Variants in MYH15 observed in about 807,000 individuals in gnomAD.
MYH15 encodes the protein myosin heavy chain 15.
Under a neutral mutation model 240.5 loss-of-function variants are expected in MYH15, and 227 were observed. The ratio of observed to expected loss-of-function variants is 0.94; its 90% CI spans 0.85 to 1.05. The LOEUF is 1.05. MYH15 is among the 50% of genes least tolerant of loss of function. MYH15 has a pLI of 0.00. For synonymous variants in MYH15, 785 were observed against 796.7 expected, an observed-to-expected ratio of 0.99 and a Z score of 0.25; for missense variants, 2,217 against 2,247.5, an observed-to-expected ratio of 0.99 and a Z score of 0.27.
intron 37 of MYH15, among the ~76,000 whole-genome samples, chr3:108,390,153 G>C (rs1411685047): frequency 1.4e-5 from 2 of 147,840 alleles, no homozygotes; most frequent in Non-Finnish European, 3.0e-5. Flanking sequence ...TAAGAATTTT[G>C]GGGGGGGATT....
chr3:108,463,238 A>G lies in MYH15; in HGVS notation c.1737T>C (p.Pro579=), dbSNP rs1576249004. 6.2e-7 allele frequency: 1 copy of G among 1,605,596 alleles called. No individual in the cohort carries two copies. Among genetic ancestry groups the G allele is most frequent in the Non-Finnish European group, 8.5e-7 (1 of 1,177,768 alleles). ...FELVHYAGVV[P]YNISGWLEKN... is the part of the protein sequence containing the mutation. ...TTTCCAGCCAACCACTGATATTATA[A>G]GGTACCTTTGGAAAGGCATGCATTT... is the stretch of plus-strand genomic sequence containing the variant. The change falls in exon 16 of 41, where the codon CCT becomes CCC. Residue 579 remains proline, a synonymous_variant. Coordinates refer to ENST00000693548, the MANE Select transcript of MYH15 (RefSeq NM_014981.3).
At chr3:108,505,138 C>T (rs2083465523) in intron 2 of MYH15, among the ~76,000 whole-genome samples, 1 of 152,154 alleles carries the variant, frequency 6.6e-6, no homozygotes, top group Non-Finnish European at 1.5e-5. Flanking sequence ...TTTAAAAATA[C>T]TGACTTGAAA....
Position 108,381,395 on chromosome 3 carries a change from T to C in MYH15, c.*150A>G, listed in dbSNP as rs1035724486. The C allele has an allele frequency of 4.5e-6, 4 of 889,158 alleles. No homozygotes were observed. The African/African-American group carries it at 6.6e-5, about 15-fold the overall frequency. 55.1% of individuals were successfully genotyped at this position (889,158 alleles called of 1,614,324 possible). A position where few individuals can be genotyped will look rare whatever the true frequency, so the allele number is the denominator to read the frequency against. ...AACTGTGGAAGCAATGATATTCCCT[T>C]TAATTATTTTTCTAATTGCCTTGTT... On this transcript the variant is annotated 3_prime_UTR_variant, in exon 41 of 41. Coordinates refer to ENST00000693548, the MANE Select transcript of MYH15 (RefSeq NM_014981.3).
the MYH15 span, among the ~76,000 whole-genome samples, chr3:108,534,581 T>C: frequency 6.6e-6 from 1 of 152,050 alleles, no homozygotes; most frequent in Non-Finnish European, 1.5e-5. Flanking sequence ...CAAGAAATCA[T>C]TAGGTCAGAT....
chr3:108,509,620 C>T (rs546091189), intron 1 of MYH15, among the ~76,000 whole-genome samples: 14 of 152,228 alleles, frequency 9.2e-5, no homozygotes, highest in South Asian at 2.1e-4. Context: ...AATACTAGAA[C>T]GACATTCAGC....
At chr3:108,534,348 C>A in the MYH15 span, among the ~76,000 whole-genome samples, 2 of 152,096 alleles carry the variant, frequency 1.3e-5, no homozygotes, top group African/African-American at 4.8e-5. Context: ...ATATTTTTAT[C>A]CCTAGAAGGA....
At chr3:108,511,367 A>G (rs1183048973), upstream of MYH15, among the ~76,000 whole-genome samples, 1 of 152,192 alleles carries the variant, frequency 6.6e-6, no homozygotes, top group Non-Finnish European at 1.5e-5. Flanking sequence ...GGTGGCAAGC[A>G]GGTTACATGG....
Position 108,391,104 on chromosome 3 carries a change from C to T in MYH15, c.5430+656G>A, listed in dbSNP as rs187795966. Among the ~76,000 whole-genome samples the T allele has an allele frequency of 1.1e-4, 16 of 152,304 alleles. No individual in the cohort carries two copies. In the East Asian group the frequency reaches 3.1e-3, roughly 29 times the overall value. On this transcript the variant is annotated intron_variant, in intron 37 of 40. Transcript: ENST00000693548. ...TTCCATTGTATGGATATACCATAAA[C>T]ATGCAAAGGTGATACCTTATTTTTT...
chr3:108,514,016 ATAAAG>A (rs2083540872), upstream of MYH15, among the ~76,000 whole-genome samples: 1 of 152,200 alleles, frequency 6.6e-6, no homozygotes, highest in Admixed American at 6.5e-5. Flanking sequence ...TTACCAGTTG[ATAAAG>A]TAAAGACAAA....
At chr3:108,406,813 T>TGA (rs2082550019) in intron 32 of MYH15, among the ~76,000 whole-genome samples, 1 of 152,166 alleles carries the variant, frequency 6.6e-6, no homozygotes, top group African/African-American at 2.4e-5. Context: ...TTCCTGTCAT[T>TGA]CTCACCCTTG....
intron 39 of MYH15, among the ~76,000 whole-genome samples, chr3:108,384,407 C>A (rs925271736): frequency 6.6e-6 from 1 of 152,286 alleles, no homozygotes; most frequent in South Asian, 2.1e-4. Flanking sequence ...GCCTTCCCTA[C>A]GTGACACTCT....
Position 108,428,722 on chromosome 3 carries a change from T to G in MYH15, c.3472A>C (p.Lys1158Gln). 1.2e-6 allele frequency: 2 copies of G among 1,614,000 alleles called. No individual in the cohort carries two copies. Among genetic ancestry groups the G allele is most frequent in the Non-Finnish European group, 1.7e-6 (2 of 1,180,010 alleles). The change falls in exon 27 of 41, where the codon AAA becomes CAA. Residue 1158 changes from lysine to glutamine, a missense_variant. Lys to Gln is a moderately conservative substitution (Grantham distance 53, BLOSUM62 1). Coordinates refer to ENST00000693548, the MANE Select transcript of MYH15 (RefSeq NM_014981.3). ...AGCTTCTGGAATTTGGTTTCCTGTTTCTTAGTTATTTCCAGCTGAGCCAAA... is the reference window on the plus strand; with the variant it reads ...AGCTTCTGGAATTTGGTTTCCTGTTGCTTAGTTATTTCCAGCTGAGCCAAA... Reference protein sequence around the residue: ...SSLAQLEITKKQETKFQKLHR... With the variant: ...SSLAQLEITKQQETKFQKLHR...
Position 108,470,800 on chromosome 3 carries a change from C to T in MYH15, c.1281G>A (p.Met427Ile), listed in dbSNP as rs142178990. 55 of 1,613,916 alleles carry T rather than the reference C, an allele frequency of 3.4e-5. No individual in the cohort carries two copies. The highest frequency in any genetic ancestry group is 2.5e-4 in the Admixed American group (15 of 59,994). The change falls in exon 13 of 41, where the codon ATG becomes ATA. Residue 427 changes from methionine (M) to isoleucine (I), a missense_variant. Met to Ile is a conservative substitution (Grantham distance 10). Transcript: ENST00000693548. Reference protein sequence around the residue: ...GALSKSMYERMFKWLVARINR... With the variant: ...GALSKSMYERIFKWLVARINR... Reference sequence around the variant, plus strand: ...TGATCCGTGCCACTAGCCACTTAAACATCCTTTCATACATTGACTTGGACA... The same window carrying T: ...TGATCCGTGCCACTAGCCACTTAAATATCCTTTCATACATTGACTTGGACA...
At chr3:108,405,516 C>A in intron 32 of MYH15, 63 bp from the exon 33 acceptor site, 1 of 1,082,480 alleles carries the variant, frequency 9.2e-7, no homozygotes. Flanking sequence ...GTATTTTTTA[C>A]CCAAAACATA....
chr3:108,411,651 GA>G (rs2082594042), intron 30 of MYH15, among the ~76,000 whole-genome samples: 1 of 152,208 alleles, frequency 6.6e-6, no homozygotes, highest in Admixed American at 6.5e-5. Flanking sequence ...TCTAATGGAT[GA>G]AATGTGTTCT....
intron 35 of MYH15, among the ~76,000 whole-genome samples, chr3:108,397,292 G>C (rs1454817679): frequency 1.3e-5 from 2 of 152,074 alleles, no homozygotes; most frequent in Admixed American, 1.3e-4. Context: ...GAATACTCTA[G>C]CATGTGAATT....
chr3:108,399,728 C>G (rs2082489957), intron 33 of MYH15, among the ~76,000 whole-genome samples: 1 of 152,122 alleles, frequency 6.6e-6, no homozygotes, highest in Admixed American at 6.5e-5. Flanking sequence ...TGGAACAATT[C>G]TTGAGATGCA....
At chr3:108,467,776 T>C (rs2083132628) in intron 14 of MYH15, among the ~76,000 whole-genome samples, 1 of 152,164 alleles carries the variant, frequency 6.6e-6, no homozygotes, top group South Asian at 2.1e-4. Flanking sequence ...TATTAATACT[T>C]TAATATGTAA....
intron 26 of MYH15, among the ~76,000 whole-genome samples, 175 bp downstream of exon 26, chr3:108,430,657 G>T (rs1188056196): frequency 6.6e-6 from 1 of 152,254 alleles, no homozygotes; most frequent in South Asian, 2.1e-4. Context: ...GGAAATTTAA[G>T]CTTAACTCTA....
Sources: allele counts gnomAD v4.1 joint callset (sites outside exome capture counted in the v4.1 genomes callset), GRCh38; gene constraint gnomAD v4.1.1; transcripts MANE v1.5; gene names NCBI Gene and HGNC (gene_info 2026-07-23, HGNC 2026-07-21).